The following PHF8 variants were observed in gnomAD, a reference collection of about 807,000 sequenced individuals.
The protein encoded by PHF8 is PHD finger protein 8, also known as histone lysine demethylase PHF8.
PHF8 carries 9 observed loss-of-function variants against 74.4 expected under a neutral mutation model. The observed-to-expected ratio is 0.12, with a 90% CI of 0.07 to 0.21. PHF8 has a LOEUF of 0.21. Among genes scored for constraint, PHF8 ranks in the 10% least tolerant of loss-of-function variants. The pLI is 1.00. For synonymous variants in PHF8, 311 were observed against 316.6 expected, an observed-to-expected ratio of 0.98 and a Z score of 0.19; for missense variants, 478 against 816.6, an observed-to-expected ratio of 0.59 and a Z score of 5.05.
At chrX:53,989,558 G>C (rs1308087625) in intron 14 of PHF8, among the ~76,000 whole-genome samples, 1 of 110,699 alleles carries the variant, frequency 9.0e-6, no homozygotes, top group Non-Finnish European at 1.9e-5. Context: ...ACTCATGATT[G>C]CTGGTTGAAA....
chrX:53,944,813 G>A (rs781833090), intron 19 of PHF8, among the ~76,000 whole-genome samples: 3 of 111,930 alleles, frequency 2.7e-5, no homozygotes, highest in Non-Finnish European at 3.8e-5. Context: ...TTGTGGCCAG[G>A]AGTTCGAGAC....
At chrX:53,944,699 C>T (rs184965314) in intron 19 of PHF8, 204 of 125,307 alleles carry the variant, frequency 1.6e-3, no homozygotes, top group African/African-American at 6.2e-3. Context: ...GCCTGGGCAA[C>T]AGAGTGAGAC....
intron 18 of PHF8, among the ~76,000 whole-genome samples, chrX:53,978,815 A>G (rs781992888): frequency 4.8e-4 from 52 of 107,310 alleles, no homozygotes; most frequent in African/African-American, 1.8e-3. Context: ...AAAAAAAAAA[A>G]GGCATTATGG....
chrX:53,967,005 C>T (rs1340765203), intron 18 of PHF8, among the ~76,000 whole-genome samples: 919 of 93,623 alleles, frequency 9.8e-3, no homozygotes, highest in African/African-American at 0.026. Context: ...GCAACCGCCC[C>T]ATCTGAGAAG....
At position 53,939,596 on chromosome X, in the gene PHF8, C is replaced by T. The variant is rs1028853737; in HGVS notation, c.2987-350G>A. The stretch of plus-strand genomic sequence containing the variant: ...CCTACCCACCAGGACTGGACAAGTG[C>T]CTGGTTAGTGATTAGAGCTCAGTGT... On this transcript the variant is annotated intron_variant, in intron 21 of 21. Transcript: ENST00000338154. Among the ~76,000 whole-genome samples the T allele has an allele frequency of 2.7e-5, 3 of 111,390 alleles. No individual in the cohort carries two copies. In the East Asian group the frequency reaches 8.5e-4, roughly 32 times the overall value.
chrX:53,992,641 T>C, intron 14 of PHF8, 95 bp downstream of exon 14: 2 of 542,409 alleles, frequency 3.7e-6, no homozygotes, highest in Non-Finnish European at 3.3e-6. Flanking sequence ...CTCCTACCCA[T>C]GTCCCAACCC....
chrX:53,964,233 G>A (rs1249419324), intron 18 of PHF8, among the ~76,000 whole-genome samples: 2 of 110,421 alleles, frequency 1.8e-5, no homozygotes, highest in Non-Finnish European at 3.8e-5. Flanking sequence ...GGGCCTGTGA[G>A]GGGGAAGGGG....
intron 2 of PHF8, among the ~76,000 whole-genome samples, chrX:54,035,937 C>A (rs1557114014): frequency 9.1e-6 from 1 of 109,929 alleles, no homozygotes; most frequent in South Asian, 3.9e-4. Flanking sequence ...CATGGAGAAA[C>A]CCCGTCTCTA....
intron 18 of PHF8, among the ~76,000 whole-genome samples, chrX:53,977,050 C>A (rs949441944): frequency 3.1e-4 from 35 of 112,286 alleles, no homozygotes; most frequent in African/African-American, 1.1e-3. Flanking sequence ...GAAAATAAAT[C>A]CAGGCTGGGT....
intron 12 of PHF8, 68 bp from the exon 13 acceptor site, chrX:53,993,971 G>T: frequency 1.2e-6 from 1 of 809,158 alleles, no homozygotes; most frequent in Non-Finnish European, 1.8e-6. Flanking sequence ...TAACAGCAGA[G>T]GTCTGTTCCT....
upstream of PHF8, among the ~76,000 whole-genome samples, chrX:54,044,663 C>T (rs782389248): frequency 1.6e-4 from 18 of 113,120 alleles, no homozygotes; most frequent in Non-Finnish European, 3.2e-4. Context: ...TTAGGCGAGG[C>T]AGACGTTTGG....
chrX:54,034,579 T>TA (rs2066416762), intron 2 of PHF8, among the ~76,000 whole-genome samples: 1 of 110,714 alleles, frequency 9.0e-6, no homozygotes, highest in Non-Finnish European at 1.9e-5. Context: ...TCCCAGCACT[T>TA]TGGGAGGCCG....
intron 19 of PHF8, among the ~76,000 whole-genome samples, chrX:53,960,503 A>C (rs2065086303): frequency 9.2e-6 from 1 of 109,046 alleles, no homozygotes; most frequent in Admixed American, 9.8e-5. Context: ...TAATTCCAGC[A>C]CTTTGGGAGG....
At chrX:54,019,289 C>A (rs1259247521) in intron 4 of PHF8, among the ~76,000 whole-genome samples, 1 of 108,014 alleles carries the variant, frequency 9.3e-6, no homozygotes, top group Non-Finnish European at 1.9e-5. Flanking sequence ...AAAACCCCGT[C>A]TCTACAAAAA....
At chrX:53,967,688 GA>G (rs1316420483) in intron 18 of PHF8, among the ~76,000 whole-genome samples, 1 of 114,507 alleles carries the variant, frequency 8.7e-6, no homozygotes, top group Non-Finnish European at 1.9e-5. Context: ...GAAAGGTGGG[GA>G]AAAGATTGAG....
chrX:54,048,931 C>G (rs1304448148), upstream of PHF8: 1 of 110,574 alleles, frequency 9.0e-6, no homozygotes, highest in African/African-American at 3.3e-5. Flanking sequence ...TCAGCAGGAT[C>G]TTTTCCAATT....
At chrX:54,019,617 C>G (rs1436628423) in intron 4 of PHF8, among the ~76,000 whole-genome samples, 2 of 106,918 alleles carry the variant, frequency 1.9e-5, no homozygotes, top group Non-Finnish European at 3.8e-5. Flanking sequence ...ATGGTGAAAC[C>G]CCATCTCTAC....
chrX:54,019,871 C>A (rs2066139184), intron 4 of PHF8, among the ~76,000 whole-genome samples: 1 of 99,946 alleles, frequency 1.0e-5, no homozygotes, highest in South Asian at 4.3e-4. Flanking sequence ...ATCAGAAAGG[C>A]AAAAAAAAAA....
intron 18 of PHF8, among the ~76,000 whole-genome samples, chrX:53,979,306 G>A (rs920551216): frequency 4.5e-5 from 5 of 110,623 alleles, no homozygotes; most frequent in African/African-American, 1.6e-4. Flanking sequence ...CGCTTGAACC[G>A]GGGAGGCGGA....
Sources: gnomAD v4.1 joint callset for allele counts (sites outside exome capture counted in the v4.1 genomes callset) on GRCh38, gnomAD v4.1.1 for gene constraint, MANE v1.5 for transcripts, NCBI Gene and HGNC (gene_info 2026-07-23, HGNC 2026-07-21) for gene names.